CCDC148: variants seen among roughly 807,000 people sequenced by gnomAD.
CCDC148 encodes the protein coiled-coil domain-containing protein 148.
A neutral mutation model predicts 85.7 loss-of-function variants in CCDC148; 89 were observed. That is an observed-to-expected ratio of 1.04 (90% CI 0.87 to 1.24). CCDC148 has a LOEUF of 1.24. Among genes scored for constraint, CCDC148 ranks in the 50% most tolerant of loss-of-function variants. The pLI is 0.00. For synonymous variants in CCDC148, 230 were observed against 213.9 expected (o/e 1.08, Z -0.66); for missense variants, 692 against 671.7 (o/e 1.03, Z -0.33).
intron 1 of CCDC148, among the ~76,000 whole-genome samples, chr2:158,413,755 T>C (rs1031801913): frequency 6.6e-5 from 10 of 152,326 alleles, no homozygotes; most frequent in East Asian, 3.9e-4. Context: ...ATAGCCAATG[T>C]GTAATTTTTA....
At chr2:158,208,955 T>TAAA (rs373694914) in intron 11 of CCDC148, among the ~76,000 whole-genome samples, 1 of 151,704 alleles carries the variant, frequency 6.6e-6, no homozygotes. Context: ...ATATATTTTT[T>TAAA]AAAAAAACCC....
At chr2:158,207,929 T>C (rs1470912054) in intron 11 of CCDC148, among the ~76,000 whole-genome samples, 2 of 149,694 alleles carry the variant, frequency 1.3e-5, no homozygotes, top group African/African-American at 4.9e-5. Context: ...AAGGACCACT[T>C]ACAGAAAGGT....
At chr2:158,450,544 G>A (rs1208358336) in intron 1 of CCDC148, among the ~76,000 whole-genome samples, 1 of 152,202 alleles carries the variant, frequency 6.6e-6, no homozygotes, top group Non-Finnish European at 1.5e-5. Context: ...TACGGTAAGT[G>A]TCACCTTCAT....
chr2:158,411,770 T>C (rs935916819), intron 1 of CCDC148, among the ~76,000 whole-genome samples: 1 of 152,156 alleles, frequency 6.6e-6, no homozygotes, highest in Non-Finnish European at 1.5e-5. Context: ...CCTTGTAGTA[T>C]TGTGTTGGTG....
At chr2:158,333,846 A>G (rs187121615) in intron 7 of CCDC148, among the ~76,000 whole-genome samples, 2 of 151,960 alleles carry the variant, frequency 1.3e-5, no homozygotes, top group African/African-American at 4.8e-5. Flanking sequence ...GTAAGTCTTG[A>G]AGTTGGGTAG....
At chr2:158,262,935 C>A (rs770899919) in intron 9 of CCDC148, among the ~76,000 whole-genome samples, 2 of 152,032 alleles carry the variant, frequency 1.3e-5, no homozygotes, top group Non-Finnish European at 2.9e-5. Context: ...TGTCTAGTAT[C>A]TAAACCACAG....
At chr2:158,453,418 G>C (rs1221516235) in intron 1 of CCDC148, among the ~76,000 whole-genome samples, 1 of 152,164 alleles carries the variant, frequency 6.6e-6, no homozygotes, top group Non-Finnish European at 1.5e-5. Flanking sequence ...AACCACCAGA[G>C]CCACCTGAGC....
chr2:158,293,388 T>C (rs897699643), intron 9 of CCDC148, among the ~76,000 whole-genome samples: 4 of 152,350 alleles, frequency 2.6e-5, no homozygotes, highest in South Asian at 2.1e-4. Flanking sequence ...ATTCCTGACC[T>C]ATAGAAACAG....
chr2:158,297,870 A>C (rs1691262896), intron 9 of CCDC148, among the ~76,000 whole-genome samples: 1 of 152,222 alleles, frequency 6.6e-6, no homozygotes. Flanking sequence ...TGGCCATGCC[A>C]TGTCTGTCTC....
rs1692149927 is a variant in CCDC148 at position 158,313,743 on chromosome 2, G to T, written c.903+13C>A. On this transcript the variant is annotated intron_variant, in intron 8 of 13. Coordinates refer to ENST00000283233, the MANE Select transcript of CCDC148 (RefSeq NM_138803.4). ...ATTTAACTTGCCAGTATGTAGGTAGGTCCAGTACTCACCAAATCATGCCTA... is the reference window on the plus strand; with the variant it reads ...ATTTAACTTGCCAGTATGTAGGTAGTTCCAGTACTCACCAAATCATGCCTA... 6.2e-7 allele frequency: 1 copy of T among 1,612,394 alleles called. No individual in the cohort carries two copies. The highest frequency in any genetic ancestry group is 1.7e-5 in the Admixed American group (1 of 59,860).
At chr2:158,432,147 TA>T (rs2105333265) in intron 1 of CCDC148, among the ~76,000 whole-genome samples, 1 of 151,194 alleles carries the variant, frequency 6.6e-6, no homozygotes, top group Admixed American at 6.6e-5. Flanking sequence ...TTATAACTAA[TA>T]ATATCATAGT....
chr2:158,226,237 C>G (rs965861067), intron 10 of CCDC148, among the ~76,000 whole-genome samples: 1 of 152,146 alleles, frequency 6.6e-6, no homozygotes, highest in Non-Finnish European at 1.5e-5. Context: ...CACATACACC[C>G]TCCCAAGACT....
chr2:158,322,315 T>C (rs896034670), intron 7 of CCDC148, among the ~76,000 whole-genome samples: 2 of 152,072 alleles, frequency 1.3e-5, no homozygotes, highest in African/African-American at 2.4e-5. Flanking sequence ...ATACTATCCA[T>C]CTAATTTAAA....
intron 1 of CCDC148, chr2:158,425,032 G>T: frequency 2.3e-6 from 1 of 428,762 alleles, no homozygotes; most frequent in South Asian, 1.7e-5. Context: ...GCTGCAACCA[G>T]TGAATGAGGG....
chr2:158,441,910 A>C (rs374274178), intron 1 of CCDC148, among the ~76,000 whole-genome samples: 1 of 152,122 alleles, frequency 6.6e-6, no homozygotes, highest in East Asian at 1.9e-4. Flanking sequence ...TTCATATGAC[A>C]TATTTGTTAT....
At chr2:158,197,316 G>C (rs114950091) in intron 11 of CCDC148, among the ~76,000 whole-genome samples, 1 of 152,006 alleles carries the variant, frequency 6.6e-6, no homozygotes, top group Non-Finnish European at 1.5e-5. Context: ...TGAATTTGAA[G>C]GTAGAGAGTC....
At chr2:158,298,932 A>G (rs766014550) in intron 9 of CCDC148, among the ~76,000 whole-genome samples, 11 of 152,030 alleles carry the variant, frequency 7.2e-5, no homozygotes, top group Non-Finnish European at 1.2e-4. Context: ...CATATTTTGG[A>G]CATTGTGAAT....
chr2:158,339,010 GATCATTTT>G lies in CCDC148; in HGVS notation c.554_561del (p.Glu185AlafsTer18), dbSNP rs1366073384. ...CTTACCTTTATACTCCAGTCTGAAA[GATCATTTT>G]CTATTCTCTGTTGCTCCAGCCTAAG... On this transcript the variant is annotated frameshift_variant, in exon 6 of 14. Coordinates refer to ENST00000283233, the MANE Select transcript of CCDC148 (RefSeq NM_138803.4). LOFTEE classifies it high-confidence loss of function. 6.2e-7 allele frequency: 1 copy of G among 1,613,570 alleles called. No homozygotes were observed. Among genetic ancestry groups the G allele is most frequent in the Admixed American group, 1.7e-5 (1 of 59,996 alleles).
chr2:158,248,740 T>G (rs35650922), intron 10 of CCDC148, among the ~76,000 whole-genome samples: 5,237 of 152,248 alleles, frequency 0.034, 298 homozygotes, highest in African/African-American at 0.12. Context: ...AGATCACATC[T>G]TGCATTCTAA....
Sources: gnomAD v4.1 joint callset for allele counts (sites outside exome capture counted in the v4.1 genomes callset) on GRCh38, gnomAD v4.1.1 for gene constraint, MANE v1.5 for transcripts, NCBI Gene and HGNC (gene_info 2026-07-23, HGNC 2026-07-21) for gene names.